LRRTM4: variants seen among roughly 807,000 people sequenced by gnomAD.
LRRTM4 encodes leucine rich repeat transmembrane neuronal 4.
Under a neutral mutation model 47.6 loss-of-function variants are expected in LRRTM4, and 25 were observed. The ratio of observed to expected loss-of-function variants is 0.53; its 90% CI spans 0.38 to 0.73. The LOEUF (loss-of-function observed/expected upper bound fraction) is 0.73, where lower values mean the gene tolerates loss of function less well. LRRTM4 is among the 30% of genes least tolerant of loss of function. The probability of loss-of-function intolerance (pLI) is 0.00; values close to 1 mark genes in which losing one functional copy is unlikely to be tolerated. For synonymous variants in LRRTM4, 311 were observed against 269.5 expected (o/e 1.15, Z -1.51); for missense variants, 638 against 713.4 (o/e 0.89, Z 1.20).
chr2:77,102,951 C>T (rs1214458091), intron 3 of LRRTM4, among the ~76,000 whole-genome samples: 1 of 152,120 alleles, frequency 6.6e-6, no homozygotes, highest in East Asian at 1.9e-4. Flanking sequence ...GACCATGTGA[C>T]ATGGAAAGCC....
At chr2:77,266,014 C>T (rs1236202190) in intron 3 of LRRTM4, among the ~76,000 whole-genome samples, 1 of 152,110 alleles carries the variant, frequency 6.6e-6, no homozygotes, top group African/African-American at 2.4e-5. Context: ...GGCCCACAGG[C>T]CAAATTTGGT....
chr2:77,344,305 A>G (rs1459679498), intron 3 of LRRTM4, among the ~76,000 whole-genome samples: 2 of 151,904 alleles, frequency 1.3e-5, no homozygotes, highest in East Asian at 3.9e-4. Context: ...AACAGCCATT[A>G]CAATGATGCT....
At chr2:77,515,599 ATT>A (rs944452074) in intron 3 of LRRTM4, among the ~76,000 whole-genome samples, 1 of 151,426 alleles carries the variant, frequency 6.6e-6, no homozygotes, top group South Asian at 2.1e-4. Flanking sequence ...GGTGTTTTTA[ATT>A]TTTTTTTAAA....
chr2:77,166,424 A>G (rs1672887705), intron 3 of LRRTM4, among the ~76,000 whole-genome samples: 1 of 152,140 alleles, frequency 6.6e-6, no homozygotes, highest in South Asian at 2.1e-4. Flanking sequence ...CAAGCTACCA[A>G]TGACTTTCTT....
chr2:77,169,151 A>G (rs747576815), intron 3 of LRRTM4, among the ~76,000 whole-genome samples: 7 of 152,118 alleles, frequency 4.6e-5, no homozygotes, highest in African/African-American at 9.7e-5. Context: ...CGCCTTTCCT[A>G]TAAGAACTGG....
chr2:76,804,997 A>G (rs1250369221), intron 3 of LRRTM4, among the ~76,000 whole-genome samples: 1 of 152,126 alleles, frequency 6.6e-6, no homozygotes, highest in African/African-American at 2.4e-5. Flanking sequence ...ACCCATTGTC[A>G]TAAAGCGGGA....
At chr2:76,965,444 G>A (rs951531299) in intron 3 of LRRTM4, among the ~76,000 whole-genome samples, 2 of 146,058 alleles carry the variant, frequency 1.4e-5, no homozygotes, top group East Asian at 3.9e-4. Flanking sequence ...GGGTAAAAAA[G>A]AATCATATGA....
At chr2:77,512,795 TAC>T (rs977389954) in intron 3 of LRRTM4, among the ~76,000 whole-genome samples, 11 of 152,116 alleles carry the variant, frequency 7.2e-5, no homozygotes, top group Non-Finnish European at 1.5e-4. Context: ...TGTCAAAAGC[TAC>T]ACATTCCTAA....
intron 3 of LRRTM4, among the ~76,000 whole-genome samples, chr2:77,177,917 A>C (rs1459253892): frequency 6.6e-6 from 1 of 152,186 alleles, no homozygotes; most frequent in Non-Finnish European, 1.5e-5. Flanking sequence ...TGTCAGTTTT[A>C]AGCAACACAA....
intron 3 of LRRTM4, among the ~76,000 whole-genome samples, chr2:76,974,157 TA>T (rs1676318808): frequency 2.4e-5 from 2 of 82,244 alleles, no homozygotes; most frequent in Admixed American, 2.1e-4. Context: ...TATACATACA[TA>T]TATATATATA....
rs180774376 is a variant in LRRTM4, at chr2:77,433,254, C to T, written c.1551+85064G>A. The stretch of plus-strand genomic sequence containing the variant: ...CTGCTGCCCTGAAGAAGAACTTGAG[C>T]AGAACTGCCCATTTATTTCCTTAAA... On this transcript the variant is annotated intron_variant, in intron 3 of 3. Coordinates refer to ENST00000409884, the MANE Select transcript of LRRTM4 (RefSeq NM_001134745.3). Among the ~76,000 whole-genome samples the T allele has an allele frequency of 9.8e-3, 1,490 of 152,120 alleles. 25 individuals are homozygous for T. The highest frequency in any genetic ancestry group is 0.034 in the African/African-American group (1,430 of 41,504).
At chr2:77,110,689 T>G (rs990958443) in intron 3 of LRRTM4, among the ~76,000 whole-genome samples, 1 of 152,172 alleles carries the variant, frequency 6.6e-6, no homozygotes, top group African/African-American at 2.4e-5. Flanking sequence ...TGAAGTAGTA[T>G]GCAATTATTA....
chr2:77,322,012 TA>T (rs1158750643), intron 3 of LRRTM4, among the ~76,000 whole-genome samples: 1 of 152,134 alleles, frequency 6.6e-6, no homozygotes, highest in East Asian at 1.9e-4. Context: ...TGTAGGAGGG[TA>T]AAAGGTTTTT....
At chr2:77,440,462 C>T (rs1675797949) in intron 3 of LRRTM4, among the ~76,000 whole-genome samples, 1 of 152,070 alleles carries the variant, frequency 6.6e-6, no homozygotes, top group Non-Finnish European at 1.5e-5. Context: ...CATAGGAGTG[C>T]AATCGACAGG....
At chr2:76,950,019 A>G (rs1675446161) in intron 3 of LRRTM4, among the ~76,000 whole-genome samples, 3 of 151,940 alleles carry the variant, frequency 2.0e-5, no homozygotes, top group African/African-American at 7.2e-5. Flanking sequence ...TAAGATGCAT[A>G]AGCTTGGACA....
intron 3 of LRRTM4, among the ~76,000 whole-genome samples, chr2:77,089,443 T>G (rs1483700467): frequency 6.6e-6 from 1 of 151,804 alleles, no homozygotes; most frequent in African/African-American, 2.4e-5. Flanking sequence ...CAACCTCGTA[T>G]CTCTGTGCCC....
At chr2:77,005,620 G>A (rs1677613872) in intron 3 of LRRTM4, among the ~76,000 whole-genome samples, 1 of 152,136 alleles carries the variant, frequency 6.6e-6, no homozygotes, top group Admixed American at 6.6e-5. Flanking sequence ...TTGTGCTTTT[G>A]TCATGATAAT....
At chr2:76,985,337 C>A (rs1195163194) in intron 3 of LRRTM4, among the ~76,000 whole-genome samples, 1 of 151,992 alleles carries the variant, frequency 6.6e-6, no homozygotes, top group African/African-American at 2.4e-5. Flanking sequence ...TGAGAGATTG[C>A]TGCTTCTGTA....
At chr2:76,891,598 A>G (rs761908292) in intron 3 of LRRTM4, among the ~76,000 whole-genome samples, 1 of 151,824 alleles carries the variant, frequency 6.6e-6, no homozygotes, top group Non-Finnish European at 1.5e-5. Context: ...GCATTATAAA[A>G]GTAACATTTC....
Sources: allele counts gnomAD v4.1 joint callset (sites outside exome capture counted in the v4.1 genomes callset), GRCh38; gene constraint gnomAD v4.1.1; transcripts MANE v1.5; gene names NCBI Gene and HGNC (gene_info 2026-07-23, HGNC 2026-07-21).